Variants in MACROD2 observed in about 807,000 individuals in gnomAD.
The protein encoded by MACROD2 is mono-ADP ribosylhydrolase 2, also known as ADP-ribose glycohydrolase MACROD2.
A neutral mutation model predicts 70.4 loss-of-function variants in MACROD2; 36 were observed. The observed-to-expected ratio is 0.51, with a 90% CI of 0.39 to 0.68. The LOEUF is 0.68. Ranked by LOEUF, MACROD2 falls within the 30% of genes least tolerant of loss-of-function variation. The probability of loss-of-function intolerance (pLI) is 0.00; values close to 1 mark genes in which losing one functional copy is unlikely to be tolerated. For synonymous variants in MACROD2, 172 were observed against 178.8 expected (o/e 0.96, Z 0.30); for missense variants, 496 against 538.4 (o/e 0.92, Z 0.78).
At chr20:15,893,978 A>G (rs1281903853) in intron 10 of MACROD2, 4 of 456,036 alleles carry the variant, frequency 8.8e-6, no homozygotes, top group African/African-American at 8.0e-5. Flanking sequence ...TGCACTGGGC[A>G]GGAATAGCTG....
At chr20:14,092,455 C>T (rs1296247233) in intron 3 of MACROD2, among the ~76,000 whole-genome samples, 1 of 152,120 alleles carries the variant, frequency 6.6e-6, no homozygotes, top group Non-Finnish European at 1.5e-5. Context: ...CAAAACAGTC[C>T]ATACTTAGTT....
In MACROD2 at chr20:16,008,449, C is replaced by T. The variant is rs1333934347; in HGVS notation, c.1153+21291C>T. ...GAAATTGCTTCAGCCCCTGGCAACT[C>T]AGTACATGAACTTCTCCCTGGGTGA... On this transcript the variant is annotated intron_variant, in intron 15 of 17. Transcript: ENST00000684519. Among the ~76,000 whole-genome samples the T allele has an allele frequency of 3.9e-5, 6 of 152,222 alleles. No homozygotes were observed. The East Asian group carries it at 1.2e-3, about 29-fold the overall frequency.
At chr20:14,549,850 A>G (rs1600373828) in intron 4 of MACROD2, among the ~76,000 whole-genome samples, 1 of 152,228 alleles carries the variant, frequency 6.6e-6, no homozygotes, top group South Asian at 2.1e-4. Context: ...TTAGTAATGC[A>G]TAGTATTACT....
At chr20:15,980,704 G>T (rs552162045) in intron 13 of MACROD2, among the ~76,000 whole-genome samples, 2 of 152,100 alleles carry the variant, frequency 1.3e-5, no homozygotes, top group African/African-American at 2.4e-5. Flanking sequence ...TTAACTACTT[G>T]CCTTTGATTA....
At chr20:14,717,175 A>T (rs2071406344) in intron 5 of MACROD2, among the ~76,000 whole-genome samples, 1 of 152,292 alleles carries the variant, frequency 6.6e-6, no homozygotes, top group Non-Finnish European at 1.5e-5. Flanking sequence ...TTAATTTTTT[A>T]AAGTACTATA....
intron 10 of MACROD2, among the ~76,000 whole-genome samples, chr20:15,899,264 A>G (rs1400087236): frequency 6.6e-6 from 1 of 152,132 alleles, no homozygotes; most frequent in Non-Finnish European, 1.5e-5. Context: ...ACGTGTATAT[A>G]TGTATCTTTA....
chr20:14,205,427 C>G (rs1350725278), intron 3 of MACROD2, among the ~76,000 whole-genome samples: 1 of 152,122 alleles, frequency 6.6e-6, no homozygotes, highest in African/African-American at 2.4e-5. Context: ...CCGGTTGCCC[C>G]CCTTCACAGT....
At chr20:14,045,302 G>A (rs1203466884) in intron 2 of MACROD2, among the ~76,000 whole-genome samples, 1 of 152,240 alleles carries the variant, frequency 6.6e-6, no homozygotes, top group African/African-American at 2.4e-5. Context: ...GAGGCGCCGA[G>A]AGCAAGCGAG....
At chr20:15,134,629 T>C (rs1694171457) in intron 5 of MACROD2, among the ~76,000 whole-genome samples, 1 of 151,748 alleles carries the variant, frequency 6.6e-6, no homozygotes, top group South Asian at 2.1e-4. Flanking sequence ...AGATCCAAAA[T>C]TAACACCCTA....
intron 6 of MACROD2, among the ~76,000 whole-genome samples, chr20:15,253,841 C>T (rs945804611): frequency 2.6e-5 from 4 of 152,144 alleles, no homozygotes; most frequent in Admixed American, 1.3e-4. Flanking sequence ...CTGCAGTCAC[C>T]GAAGCAAAAT....
chr20:15,384,950 C>A (rs753532435), intron 6 of MACROD2, among the ~76,000 whole-genome samples: 8 of 152,134 alleles, frequency 5.3e-5, no homozygotes, highest in Non-Finnish European at 1.2e-4. Flanking sequence ...CTTGACAAGT[C>A]ATCATGAAGG....
Position 14,515,519 on chromosome 20 carries a change from TAAAAA to T in MACROD2, c.301+22013_301+22017del, listed in dbSNP as rs532456840. Among the ~76,000 whole-genome samples, 261 of 145,654 alleles carry T rather than the reference TAAAAA, an allele frequency of 1.8e-3. 1 individual carries two copies. Among genetic ancestry groups the T allele is most frequent in the African/African-American group, 6.3e-3 (250 of 39,730 alleles). ...CACACGATGGAATATTATACACCCT[TAAAAA>T]AGAAGAAAATTCTGGCATTTGTGAC... On this transcript the variant is annotated intron_variant, in intron 4 of 17. Transcript: ENST00000684519.
At chr20:15,785,413 CCAA>C (rs1409155297) in intron 8 of MACROD2, among the ~76,000 whole-genome samples, 3 of 152,124 alleles carry the variant, frequency 2.0e-5, no homozygotes, top group African/African-American at 7.2e-5. Flanking sequence ...TCCCTCTCCC[CCAA>C]CAACAAGTGT....
intron 5 of MACROD2, among the ~76,000 whole-genome samples, chr20:14,861,377 G>T (rs918397935): frequency 6.6e-6 from 1 of 152,086 alleles, no homozygotes; most frequent in Non-Finnish European, 1.5e-5. Context: ...ACGTCCTAGA[G>T]ATTTTGACGT....
chr20:15,801,318 G>T (rs1442352058), intron 8 of MACROD2, among the ~76,000 whole-genome samples: 2 of 151,946 alleles, frequency 1.3e-5, no homozygotes, highest in Non-Finnish European at 2.9e-5. Flanking sequence ...CTGGATAGTT[G>T]GGCTGGAGCA....
At chr20:14,551,673 G>C (rs1341963942) in intron 4 of MACROD2, among the ~76,000 whole-genome samples, 1 of 152,146 alleles carries the variant, frequency 6.6e-6, no homozygotes, top group Non-Finnish European at 1.5e-5. Context: ...TTACTGTTGA[G>C]ATATAGCTAT....
chr20:15,436,781 A>G (rs1463085232), intron 7 of MACROD2, among the ~76,000 whole-genome samples: 1 of 152,176 alleles, frequency 6.6e-6, no homozygotes, highest in Non-Finnish European at 1.5e-5. Flanking sequence ...CATAGCTGAA[A>G]AGAAAAATTT....
At chr20:15,273,562 T>G (rs1278240325) in intron 6 of MACROD2, among the ~76,000 whole-genome samples, 1 of 152,206 alleles carries the variant, frequency 6.6e-6, no homozygotes, top group Non-Finnish European at 1.5e-5. Flanking sequence ...GAGTTTGGCT[T>G]TTTAAGAAAA....
At chr20:15,533,642 G>A (rs2047835743) in intron 8 of MACROD2, among the ~76,000 whole-genome samples, 1 of 151,848 alleles carries the variant, frequency 6.6e-6, no homozygotes, top group Non-Finnish European at 1.5e-5. Flanking sequence ...AAGTAACTTA[G>A]GGAAGAAAAG....
Sources: gnomAD v4.1 joint callset for allele counts (sites outside exome capture counted in the v4.1 genomes callset) on GRCh38, gnomAD v4.1.1 for gene constraint, MANE v1.5 for transcripts, NCBI Gene and HGNC (gene_info 2026-07-23, HGNC 2026-07-21) for gene names.